Variants in SGMS2 observed in about 807,000 individuals in gnomAD.
SGMS2 encodes sphingomyelin synthase 2.
Under a neutral mutation model 43.8 loss-of-function variants are expected in SGMS2, and 21 were observed. The ratio of observed to expected loss-of-function variants is 0.48; its 90% CI spans 0.34 to 0.69. The LOEUF (loss-of-function observed/expected upper bound fraction) is 0.69. SGMS2 is among the 30% of genes least tolerant of loss of function. The pLI, the probability that SGMS2 is intolerant of heterozygous loss-of-function variation, is 0.01. For synonymous variants in SGMS2, 167 were observed against 160.6 expected (o/e 1.04, Z -0.30); for missense variants, 384 against 443.2 (o/e 0.87, Z 1.20).
At position 107,910,756 on chromosome 4, in the gene SGMS2, C is replaced by T. The variant is rs1465560836; in HGVS notation, c.*203C>T. 1 of 544,630 alleles carries T rather than the reference C, an allele frequency of 1.8e-6. No individual in the cohort carries two copies. The highest frequency in any genetic ancestry group is 1.9e-5 in the African/African-American group (1 of 52,588). The allele number at this position is 544,630 out of a possible 1,614,324, so 33.7% of individuals were successfully genotyped here. A position where few individuals can be genotyped will look rare whatever the true frequency, so the allele number is the denominator to read the frequency against. On this transcript the variant is annotated 3_prime_UTR_variant, in exon 7 of 7. Coordinates refer to ENST00000690982, the MANE Select transcript of SGMS2 (RefSeq NM_001375905.1). ...CTGAGAAAGATACATTCTCTTGCAG[C>T]TCTTCATTCATTGGTGACAAGCCCC... is the stretch of plus-strand genomic sequence containing the variant.
chr4:107,852,853 T>C lies in SGMS2; in HGVS notation c.-326-5619T>C, dbSNP rs187670211. 4.6e-5 allele frequency among the ~76,000 whole-genome samples: 7 copies of C among 152,260 alleles called. No homozygotes were observed. The East Asian group carries it at 1.3e-3, about 29-fold the overall frequency. On this transcript the variant is annotated intron_variant, in intron 1 of 6. Coordinates refer to ENST00000690982, the MANE Select transcript of SGMS2 (RefSeq NM_001375905.1). The stretch of plus-strand genomic sequence containing the variant: ...AGAATATATGAAATATATTTTACAA[T>C]AGCCCTGGAAAGCAGTGTAATAATT...
chr4:107,879,341 C>T (rs1729167412), intron 2 of SGMS2, among the ~76,000 whole-genome samples: 1 of 152,010 alleles, frequency 6.6e-6, no homozygotes, highest in Admixed American at 6.6e-5. Flanking sequence ...AGAGTCACTG[C>T]AAAAGTAGTG....
At chr4:107,898,362 G>C (rs1446761064) in intron 3 of SGMS2, among the ~76,000 whole-genome samples, 1 of 151,896 alleles carries the variant, frequency 6.6e-6, no homozygotes, top group Admixed American at 6.6e-5. Context: ...GAAATTAGAA[G>C]TTCCAAATGT....
intron 1 of SGMS2, among the ~76,000 whole-genome samples, chr4:107,827,695 T>C (rs1725671472): frequency 6.6e-6 from 1 of 152,172 alleles, no homozygotes; most frequent in African/African-American, 2.4e-5. Flanking sequence ...TGAGATATAT[T>C]TGCTGTGTGG....
intron 2 of SGMS2, among the ~76,000 whole-genome samples, chr4:107,879,550 C>T (rs1238771607): frequency 6.6e-6 from 1 of 151,936 alleles, no homozygotes; most frequent in Non-Finnish European, 1.5e-5. Flanking sequence ...CAACCTCTGC[C>T]TCCCAGGTTC....
At chr4:107,864,717 A>G (rs1727988249) in intron 2 of SGMS2, among the ~76,000 whole-genome samples, 1 of 152,236 alleles carries the variant, frequency 6.6e-6, no homozygotes, top group Non-Finnish European at 1.5e-5. Context: ...TAACTTTTCA[A>G]TCTCTATAAA....
chr4:107,837,532 C>T (rs1166071079), intron 1 of SGMS2, among the ~76,000 whole-genome samples: 1 of 152,118 alleles, frequency 6.6e-6, no homozygotes, highest in Non-Finnish European at 1.5e-5. Context: ...TGTGGCGAGG[C>T]AGGCAGGACC....
At chr4:107,846,939 TG>T (rs1560634939) in intron 1 of SGMS2, among the ~76,000 whole-genome samples, 2 of 152,162 alleles carry the variant, frequency 1.3e-5, no homozygotes. Flanking sequence ...TCATATCCTT[TG>T]CCCACTTTTT....
At chr4:107,879,686 T>A (rs1311394100) in intron 2 of SGMS2, among the ~76,000 whole-genome samples, 1 of 152,154 alleles carries the variant, frequency 6.6e-6, no homozygotes, top group Non-Finnish European at 1.5e-5. Context: ...GGTCTCGAAC[T>A]CTTGGGCTCA....
chr4:107,844,405 T>TA (rs956698918), intron 1 of SGMS2, among the ~76,000 whole-genome samples: 4 of 149,896 alleles, frequency 2.7e-5, no homozygotes, highest in Non-Finnish European at 5.9e-5. Context: ...TAGGAGTGTT[T>TA]AAAAAAAAAG....
At chr4:107,878,521 G>T (rs1729097010) in intron 2 of SGMS2, among the ~76,000 whole-genome samples, 1 of 152,086 alleles carries the variant, frequency 6.6e-6, no homozygotes, top group Admixed American at 6.5e-5. Context: ...TGTCTTCAGG[G>T]TTTGGGTAGC....
At chr4:107,869,614 G>T (rs896654933) in intron 2 of SGMS2, among the ~76,000 whole-genome samples, 5 of 151,962 alleles carry the variant, frequency 3.3e-5, no homozygotes, top group African/African-American at 1.2e-4. Flanking sequence ...CTAGGTATTT[G>T]TTTTTTTAAG....
chr4:107,881,556 CAG>C (rs1214100538), intron 2 of SGMS2, among the ~76,000 whole-genome samples: 10 of 151,948 alleles, frequency 6.6e-5, no homozygotes, highest in African/African-American at 1.9e-4. Context: ...ATAATCAAAT[CAG>C]GGTAAATGGG....
At chr4:107,839,294 C>T (rs983535736) in intron 1 of SGMS2, among the ~76,000 whole-genome samples, 2 of 152,090 alleles carry the variant, frequency 1.3e-5, no homozygotes, top group African/African-American at 4.8e-5. Flanking sequence ...TTGACCATGG[C>T]AACTTCAAAA....
chr4:107,839,662 TAAAGA>T (rs1726391759), intron 1 of SGMS2, among the ~76,000 whole-genome samples: 1 of 152,148 alleles, frequency 6.6e-6, no homozygotes, highest in African/African-American at 2.4e-5. Flanking sequence ...ATTTCTTAAT[TAAAGA>T]AAATATTAAG....
At chr4:107,837,016 T>G (rs893270569) in intron 1 of SGMS2, among the ~76,000 whole-genome samples, 1 of 152,230 alleles carries the variant, frequency 6.6e-6, no homozygotes, top group African/African-American at 2.4e-5. Context: ...TTCATAAATA[T>G]ATTGACTTAA....
chr4:107,892,988 A>C (rs1415728860), intron 2 of SGMS2: 1 of 152,156 alleles, frequency 6.6e-6, no homozygotes, highest in African/African-American at 2.4e-5. Context: ...TGAATGTGCT[A>C]TGTATATTTA....
chr4:107,843,866 A>G (rs72675567), intron 1 of SGMS2, among the ~76,000 whole-genome samples: 9,351 of 152,316 alleles, frequency 0.061, 366 homozygotes, highest in Non-Finnish European at 0.09. Context: ...AAATCACAGT[A>G]TAAAACTTAC....
Position 107,899,690 on chromosome 4 carries a change from A to C in SGMS2, c.571A>C (p.Lys191Gln), listed in dbSNP as rs763461981. Residue 191 changes from lysine (K) to glutamine (Q), a missense_variant and splice_region_variant, in exon 4 of 7, where the codon AAG (lysine) becomes CAG (glutamine). Physicochemically the swap from Lys to Gln is moderately conservative, Grantham distance 53. Transcript: ENST00000690982. ...VPGMHFQCAP[K>Q]LNGDSQAKVQ... ...TGGAATGCATTTCCAGTGTGCTCCA[A>C]AGGTCAGTACCTCCAAACTGCCACT... is the stretch of plus-strand genomic sequence containing the variant. The C allele has an allele frequency of 6.2e-7, 1 of 1,607,712 alleles. No individual in the cohort carries two copies. Among genetic ancestry groups the C allele is most frequent in the Admixed American group, 1.7e-5 (1 of 59,614 alleles).
Sources: allele counts gnomAD v4.1 joint callset (sites outside exome capture counted in the v4.1 genomes callset), GRCh38; gene constraint gnomAD v4.1.1; transcripts MANE v1.5; gene names NCBI Gene and HGNC (gene_info 2026-07-23, HGNC 2026-07-21).